Variants in CNTN5 observed in about 807,000 individuals in gnomAD.
The protein encoded by CNTN5 is contactin 5.
CNTN5 carries 77 observed loss-of-function variants against 129.1 expected under a neutral mutation model. The ratio of observed to expected loss-of-function variants is 0.60; its 90% confidence interval spans 0.50 to 0.72. The LOEUF is 0.72. Ranked by LOEUF, CNTN5 falls within the 30% of genes least tolerant of loss-of-function variation. The pLI, the probability that CNTN5 is intolerant of heterozygous loss-of-function variation, is 0.00. For missense variants in CNTN5, 1,478 were observed against 1,328.8 expected (o/e 1.11, Z -1.75); for synonymous variants, 509 against 465.6 (o/e 1.09, Z -1.20).
intron 3 of CNTN5, among the ~76,000 whole-genome samples, chr11:99,780,946 G>A (rs1247565970): frequency 6.6e-6 from 1 of 151,994 alleles, no homozygotes; most frequent in African/African-American, 2.4e-5. Context: ...GGAAAGGGAA[G>A]CTGCTGGAAA....
chr11:99,786,494 A>G (rs1019267338), intron 3 of CNTN5, among the ~76,000 whole-genome samples: 1 of 152,102 alleles, frequency 6.6e-6, no homozygotes, highest in African/African-American at 2.4e-5. Flanking sequence ...ACAGAATTAG[A>G]AAAAAACTAC....
intron 3 of CNTN5, among the ~76,000 whole-genome samples, chr11:99,729,192 G>A (rs1943447032): frequency 6.6e-6 from 1 of 152,146 alleles, no homozygotes; most frequent in Non-Finnish European, 1.5e-5. Flanking sequence ...TATTTAGAAG[G>A]ATGAGATAAA....
At chr11:99,480,996 A>C (rs1945575990) in intron 2 of CNTN5, among the ~76,000 whole-genome samples, 1 of 152,160 alleles carries the variant, frequency 6.6e-6, no homozygotes, top group Non-Finnish European at 1.5e-5. Context: ...TTTGAGAAGA[A>C]TGTGCACCTA....
intron 1 of CNTN5, among the ~76,000 whole-genome samples, chr11:99,145,737 T>G (rs1162974002): frequency 1.3e-5 from 2 of 152,122 alleles, no homozygotes; most frequent in East Asian, 3.9e-4. Context: ...CAAATGATGG[T>G]AATAATATTT....
intron 6 of CNTN5, among the ~76,000 whole-genome samples, chr11:99,888,313 A>G (rs1441840465): frequency 6.6e-6 from 1 of 152,204 alleles, no homozygotes; most frequent in Non-Finnish European, 1.5e-5. Flanking sequence ...TCAAATGTAA[A>G]GAATATATAT....
chr11:99,096,402 C>A (rs1387165149), intron 1 of CNTN5, among the ~76,000 whole-genome samples: 1 of 151,538 alleles, frequency 6.6e-6, no homozygotes, highest in Non-Finnish European at 1.5e-5. Context: ...ATTTAATGGA[C>A]CAGTAATTTA....
intron 16 of CNTN5, among the ~76,000 whole-genome samples, chr11:100,234,301 C>A (rs899480571): frequency 6.6e-6 from 1 of 152,092 alleles, no homozygotes; most frequent in South Asian, 2.1e-4. Flanking sequence ...TGGGTATATA[C>A]CCAAAGGATT....
chr11:99,566,470 T>C (rs917598125), intron 3 of CNTN5, among the ~76,000 whole-genome samples: 1 of 152,210 alleles, frequency 6.6e-6, no homozygotes, highest in African/African-American at 2.4e-5. Flanking sequence ...CTTTCATCTC[T>C]TTTCCCAGCG....
chr11:99,460,918 G>A (rs1054133055), intron 2 of CNTN5, among the ~76,000 whole-genome samples: 4 of 151,930 alleles, frequency 2.6e-5, no homozygotes, highest in African/African-American at 4.8e-5. Context: ...ATGCCCATAT[G>A]AAGATTTGTT....
chr11:99,531,765 C>G (rs1391192383), intron 2 of CNTN5, among the ~76,000 whole-genome samples: 1 of 152,182 alleles, frequency 6.6e-6, no homozygotes, highest in Non-Finnish European at 1.5e-5. Context: ...TGGCATTGAG[C>G]GTTCGAGTGC....
chr11:99,848,043 C>A (rs539928284), intron 6 of CNTN5, among the ~76,000 whole-genome samples: 1 of 152,192 alleles, frequency 6.6e-6, no homozygotes, highest in East Asian at 1.9e-4. Context: ...AAACCCATCT[C>A]TACTAAAAAT....
At chr11:99,067,716 C>A (rs191058731) in intron 1 of CNTN5, among the ~76,000 whole-genome samples, 1 of 152,102 alleles carries the variant, frequency 6.6e-6, no homozygotes, top group Non-Finnish European at 1.5e-5. Context: ...TCTGTAGAAG[C>A]AGAATATATT....
chr11:99,071,456 A>T (rs1489830228), intron 1 of CNTN5, among the ~76,000 whole-genome samples: 1 of 152,184 alleles, frequency 6.6e-6, no homozygotes. Flanking sequence ...AAAAAATTGC[A>T]CAAGTTAAAC....
At position 99,347,374 on chromosome 11, in the gene CNTN5, A is replaced by AT. The variant is rs1937968735; in HGVS notation, c.-71+21894dup. Among the ~76,000 whole-genome samples, 3 of 152,320 alleles carry AT rather than the reference A, an allele frequency of 2.0e-5. No individual in the cohort carries two copies. The South Asian group carries it at 6.2e-4, about 32-fold the overall frequency. On this transcript the variant is annotated intron_variant, in intron 2 of 24. Transcript: ENST00000524871. ...AACTTCCAAACAAAGAAAATAAAGG[A>AT]TTTTATGAATCTCAATGTTTAGCTT...
chr11:99,804,143 T>A (rs1946197839), intron 3 of CNTN5, among the ~76,000 whole-genome samples: 1 of 152,106 alleles, frequency 6.6e-6, no homozygotes, highest in Non-Finnish European at 1.5e-5. Flanking sequence ...GTCAATATAG[T>A]TACAGTATAC....
chr11:99,212,579 C>G (rs529008223), intron 1 of CNTN5, among the ~76,000 whole-genome samples: 2 of 152,044 alleles, frequency 1.3e-5, no homozygotes, highest in African/African-American at 4.8e-5. Context: ...ACAACTTGTA[C>G]ATAAACGGAC....
chr11:99,724,971 T>C (rs937994120), intron 3 of CNTN5, among the ~76,000 whole-genome samples: 15 of 152,338 alleles, frequency 9.8e-5, no homozygotes, highest in African/African-American at 3.4e-4. Flanking sequence ...TTTGCGCCAA[T>C]GCTAAGTTTT....
At chr11:99,713,084 A>C (rs1955066892) in intron 3 of CNTN5, among the ~76,000 whole-genome samples, 1 of 152,088 alleles carries the variant, frequency 6.6e-6, no homozygotes, top group Non-Finnish European at 1.5e-5. Context: ...CAATGTTGCC[A>C]TTTTCACGGT....
chr11:99,283,001 TATC>T (rs1268891517), intron 1 of CNTN5, among the ~76,000 whole-genome samples: 1 of 152,074 alleles, frequency 6.6e-6, no homozygotes, highest in African/African-American at 2.4e-5. Flanking sequence ...TCAACAGACG[TATC>T]ATATCTCATT....
Sources: allele counts gnomAD v4.1 joint callset (sites outside exome capture counted in the v4.1 genomes callset), GRCh38; gene constraint gnomAD v4.1.1; transcripts MANE v1.5; gene names NCBI Gene and HGNC (gene_info 2026-07-23, HGNC 2026-07-21).